Variants in STK3 observed in about 807,000 individuals in gnomAD.
STK3 encodes serine/threonine kinase 3.
STK3 carries 41 observed loss-of-function variants against 58.0 expected under a neutral mutation model. The observed-to-expected ratio is 0.71, with a 90% confidence interval of 0.55 to 0.92. STK3 has a LOEUF of 0.92. Ranked by LOEUF, STK3 falls within the 40% of genes least tolerant of loss-of-function variation. STK3 has a pLI of 0.00. For synonymous variants in STK3, 170 were observed against 191.0 expected, an observed-to-expected ratio of 0.89 and a Z score of 0.91; for missense variants, 479 against 602.7, an observed-to-expected ratio of 0.79 and a Z score of 2.15.
At chr8:98,389,872 GAGA>G (rs1817830123), upstream of STK3, among the ~76,000 whole-genome samples, 1 of 151,722 alleles carries the variant, frequency 6.6e-6, no homozygotes, top group African/African-American at 2.4e-5. Context: ...CAGAAGGAGG[GAGA>G]AGAACCGGAC....
chr8:98,427,786 G>A (rs1740231887), intron 3 of STK3: 1 of 562,712 alleles, frequency 1.8e-6, no homozygotes, highest in East Asian at 2.9e-5. Context: ...CCTTTCCTGG[G>A]AGGGGATCAG....
At chr8:98,495,472 T>C (rs1823060586) in intron 10 of STK3, among the ~76,000 whole-genome samples, 3 of 152,302 alleles carry the variant, frequency 2.0e-5, no homozygotes, top group South Asian at 2.1e-4. Flanking sequence ...CCATGTGCAC[T>C]GTTCATCTGG....
chr8:98,929,040 T>TG (rs1224920830), intron 1 of STK3, among the ~76,000 whole-genome samples: 2 of 149,068 alleles, frequency 1.3e-5, no homozygotes, highest in African/African-American at 5.0e-5. Flanking sequence ...CCAAGGCGGG[T>TG]GGATCACCTG....
intron 3 of STK3, among the ~76,000 whole-genome samples, chr8:98,404,465 G>T (rs2131030755): frequency 6.6e-6 from 1 of 152,228 alleles, no homozygotes; most frequent in Admixed American, 6.5e-5. Context: ...TGGATCACGA[G>T]GTCAGGAGAT....
At chr8:98,435,386 T>C (rs1018063230) in intron 2 of STK3, among the ~76,000 whole-genome samples, 2 of 152,102 alleles carry the variant, frequency 1.3e-5, no homozygotes, top group Non-Finnish European at 2.9e-5. Flanking sequence ...AAGGTGCAGA[T>C]GGGGGGCAGA....
chr8:98,831,607 A>G (rs1312543580), intron 3 of STK3, among the ~76,000 whole-genome samples: 2 of 152,252 alleles, frequency 1.3e-5, no homozygotes, highest in Non-Finnish European at 2.9e-5. Context: ...ATGTTAATTA[A>G]TCTTTTCTGC....
chr8:98,903,756 C>T (rs1433438341), intron 1 of STK3, among the ~76,000 whole-genome samples: 1 of 151,904 alleles, frequency 6.6e-6, no homozygotes, highest in East Asian at 1.9e-4. Context: ...ATTATAAAGT[C>T]CTCATCAAAT....
At chr8:98,904,472 A>G (rs1358954399) in intron 1 of STK3, 2 of 369,218 alleles carry the variant, frequency 5.4e-6, no homozygotes, top group African/African-American at 4.2e-5. Flanking sequence ...GTTGGTCACA[A>G]ACTCCTTTTG....
chr8:98,830,114 A>C (rs1288476033), upstream of STK3, among the ~76,000 whole-genome samples: 1 of 152,204 alleles, frequency 6.6e-6, no homozygotes, highest in East Asian at 1.9e-4. Flanking sequence ...CTGTAGTCCC[A>C]GCTACTCAGG....
chr8:98,908,414 A>T, intron 1 of STK3, among the ~76,000 whole-genome samples: 1 of 152,358 alleles, frequency 6.6e-6, no homozygotes, highest in Non-Finnish European at 1.5e-5. Flanking sequence ...TTGGGTGGGC[A>T]TGATGGCTCA....
chr8:98,908,843 CA>C (rs1187304586), intron 1 of STK3, among the ~76,000 whole-genome samples: 7,314 of 60,444 alleles, frequency 0.12, 308 homozygotes, highest in African/African-American at 0.27. Context: ...GACTTCTTCT[CA>C]AAAAAAAAAA....
rs192237457 is a variant in STK3 at position 98,404,805 on chromosome 8, C to T, written n.484-3292G>A. Among the ~76,000 whole-genome samples the T allele has an allele frequency of 1.6e-4, 24 of 152,032 alleles. 1 individual carries two copies. Among genetic ancestry groups the T allele is most frequent in the Admixed American group, 8.5e-4 (13 of 15,274 alleles). On this transcript the variant is annotated intron_variant and non_coding_transcript_variant, in intron 3 of 3. Transcript: ENST00000517832. ...GGTCAAGGCTGCAATGAGCCATGATCGCACCACTGTACTCCAGCCTGGGCA... is the reference window on the plus strand; with the variant it reads ...GGTCAAGGCTGCAATGAGCCATGATTGCACCACTGTACTCCAGCCTGGGCA...
chr8:98,482,698 C>T (rs1350675845), intron 10 of STK3, among the ~76,000 whole-genome samples: 1 of 151,986 alleles, frequency 6.6e-6, no homozygotes, highest in African/African-American at 2.4e-5. Context: ...TTGCTAGCTA[C>T]CTCCCAGCAA....
At chr8:98,776,904 G>A (rs1457633099) in intron 1 of STK3, among the ~76,000 whole-genome samples, 1 of 151,950 alleles carries the variant, frequency 6.6e-6, no homozygotes, top group Admixed American at 6.6e-5. Flanking sequence ...CGAAAAATAA[G>A]CCAGGCATGG....
chr8:98,661,900 T>C (rs1416289504), intron 6 of STK3, among the ~76,000 whole-genome samples: 2 of 152,074 alleles, frequency 1.3e-5, no homozygotes, highest in Non-Finnish European at 2.9e-5. Flanking sequence ...TAACTCCCAA[T>C]AATGCTGAGT....
At chr8:98,558,390 A>G (rs1811760174) in intron 8 of STK3, among the ~76,000 whole-genome samples, 1 of 152,138 alleles carries the variant, frequency 6.6e-6, no homozygotes, top group Non-Finnish European at 1.5e-5. Flanking sequence ...TACTGTAACC[A>G]CTGTCATGTT....
At chr8:98,743,735 G>A (rs1297692977) in intron 4 of STK3, among the ~76,000 whole-genome samples, 2 of 151,808 alleles carry the variant, frequency 1.3e-5, no homozygotes, top group African/African-American at 4.8e-5. Flanking sequence ...ATTGACAAAT[G>A]GGATCTAATT....
chr8:98,697,030 T>G (rs1825011347), intron 6 of STK3, among the ~76,000 whole-genome samples: 1 of 152,254 alleles, frequency 6.6e-6, no homozygotes, highest in Non-Finnish European at 1.5e-5. Context: ...TGCCACAATT[T>G]CAGAGCCTGC....
chr8:98,665,532 G>C (rs1409135523), intron 6 of STK3, among the ~76,000 whole-genome samples: 1 of 151,910 alleles, frequency 6.6e-6, no homozygotes, highest in Non-Finnish European at 1.5e-5. Flanking sequence ...GGAGCAGCTG[G>C]GACTACAGGT....
Sources: allele counts gnomAD v4.1 joint callset (sites outside exome capture counted in the v4.1 genomes callset), GRCh38; gene constraint gnomAD v4.1.1; transcripts MANE v1.5; gene names NCBI Gene and HGNC (gene_info 2026-07-23, HGNC 2026-07-21).